The following CD2AP variants were observed in gnomAD, a reference collection of about 807,000 sequenced individuals.
CD2AP encodes CD2-associated protein.
CD2AP carries 46 observed loss-of-function variants against 85.1 expected under a neutral mutation model. The ratio of observed to expected loss-of-function variants is 0.54; its 90% CI spans 0.43 to 0.69. The LOEUF (loss-of-function observed/expected upper bound fraction) is 0.69. CD2AP is among the 30% of genes least tolerant of loss of function. The pLI is 0.00. For missense variants in CD2AP, 769 were observed against 729.5 expected, an observed-to-expected ratio of 1.05 and a Z score of -0.62; for synonymous variants, 255 against 252.9, an observed-to-expected ratio of 1.01 and a Z score of -0.08.
rs1387006346 is a variant in CD2AP at position 47,501,226 on chromosome 6, A to AAAAAAT, written c.5-2042_5-2037dup. Among the ~76,000 whole-genome samples the AAAAAAT allele has an allele frequency of 1.8e-4, 28 of 152,172 alleles. 1 individual carries two copies. The highest frequency in any genetic ancestry group is 3.4e-4 in the Non-Finnish European group (23 of 68,034). On this transcript the variant is annotated intron_variant, in intron 1 of 17. Coordinates refer to ENST00000359314, the MANE Select transcript of CD2AP (RefSeq NM_012120.3). The stretch of plus-strand genomic sequence containing the variant: ...ATATAGCCAGACCCCATCTCTATTT[A>AAAAAAT]AAAAATAAAAATAAAAAGAATTCCT...
intron 5 of CD2AP, among the ~76,000 whole-genome samples, chr6:47,570,990 G>A (rs1768133918): frequency 6.6e-6 from 1 of 151,338 alleles, no homozygotes; most frequent in Admixed American, 6.6e-5. Flanking sequence ...TCTAATAAAG[G>A]TTACAGTCAC....
chr6:47,532,405 ACACACACACACACAC>A (rs2114023870), intron 2 of CD2AP, among the ~76,000 whole-genome samples: 1 of 148,436 alleles, frequency 6.7e-6, no homozygotes, highest in African/African-American at 2.5e-5. Flanking sequence ...ACACACACAC[ACACACACACACACAC>A]AATACTTGCC....
At chr6:47,484,071 T>G (rs1295438483) in intron 1 of CD2AP, among the ~76,000 whole-genome samples, 1 of 151,582 alleles carries the variant, frequency 6.6e-6, no homozygotes, top group Non-Finnish European at 1.5e-5. Context: ...GCTTTTTAAA[T>G]TTTTTTTTGG....
intron 2 of CD2AP, among the ~76,000 whole-genome samples, chr6:47,504,034 C>T (rs1766065039): frequency 6.6e-6 from 1 of 152,338 alleles, no homozygotes; most frequent in South Asian, 2.1e-4. Context: ...TCTTCAACTA[C>T]TACCAAACAT....
At chr6:47,527,104 A>ACCCCC in intron 2 of CD2AP, among the ~76,000 whole-genome samples, 1 of 88,218 alleles carries the variant, frequency 1.1e-5, no homozygotes, top group African/African-American at 4.8e-5. Context: ...AAAATAAAAG[A>ACCCCC]CTCCCCCCCG....
At chr6:47,573,387 A>T (rs1364598257) in intron 5 of CD2AP, among the ~76,000 whole-genome samples, 1 of 151,428 alleles carries the variant, frequency 6.6e-6, no homozygotes, top group African/African-American at 2.4e-5. Context: ...CTTTGATTGG[A>T]TTGAATCATA....
chr6:47,552,509 A>ATG (rs1393881655), intron 4 of CD2AP, among the ~76,000 whole-genome samples: 1 of 152,202 alleles, frequency 6.6e-6, no homozygotes, highest in East Asian at 1.9e-4. Flanking sequence ...GTATTCCATG[A>ATG]TGTGTGTGTA....
At chr6:47,492,767 T>C (rs1488330465) in intron 1 of CD2AP, among the ~76,000 whole-genome samples, 2 of 152,212 alleles carry the variant, frequency 1.3e-5, no homozygotes, top group Non-Finnish European at 2.9e-5. Flanking sequence ...TTCTAGAGAT[T>C]TATTGATTTT....
chr6:47,479,416 C>T (rs1453106447), intron 1 of CD2AP, among the ~76,000 whole-genome samples: 1 of 152,206 alleles, frequency 6.6e-6, no homozygotes, highest in Non-Finnish European at 1.5e-5. Context: ...AGACACTCGC[C>T]TAGCTATCCT....
intron 5 of CD2AP, among the ~76,000 whole-genome samples, chr6:47,568,521 C>G (rs1358324207): frequency 6.6e-6 from 1 of 152,086 alleles, no homozygotes; most frequent in African/African-American, 2.4e-5. Flanking sequence ...GTGGGTGGAT[C>G]ACAAGGTCAG....
At chr6:47,620,121 A>G (rs1326821203) in intron 17 of CD2AP, among the ~76,000 whole-genome samples, 2 of 152,144 alleles carry the variant, frequency 1.3e-5, no homozygotes, top group Non-Finnish European at 2.9e-5. Context: ...GTTTTTGTTC[A>G]TGAAATCCTT....
rs554753810 is a variant in CD2AP, at chr6:47,606,328, T to C, written c.1530+51T>C. ...TACAGTATATTTAGCAAATGCAGAGTCCATTGGAAGATAGAGGACTTATAG... is the reference window on the plus strand; with the variant it reads ...TACAGTATATTTAGCAAATGCAGAGCCCATTGGAAGATAGAGGACTTATAG... On this transcript the variant is annotated intron_variant, in intron 14 of 17. Transcript: ENST00000359314. 7.6e-4 allele frequency: 809 copies of C among 1,058,166 alleles called. 14 individuals are homozygous for C. In the South Asian group the frequency reaches 9.3e-3, roughly 12 times the overall value. The allele number at this position is 1,058,166 out of a possible 1,614,324, so 65.5% of individuals were successfully genotyped here.
chr6:47,522,214 G>A (rs1214758297), intron 2 of CD2AP, among the ~76,000 whole-genome samples: 1 of 152,110 alleles, frequency 6.6e-6, no homozygotes, highest in African/African-American at 2.4e-5. Flanking sequence ...AAGCGCCAGA[G>A]CACAGAGAGT....
At chr6:47,549,160 T>C (rs930291334) in intron 4 of CD2AP, among the ~76,000 whole-genome samples, 3 of 152,070 alleles carry the variant, frequency 2.0e-5, no homozygotes, top group South Asian at 2.1e-4. Context: ...GGATGCCTGC[T>C]CTCACCACTC....
At position 47,564,818 on chromosome 6, in the gene CD2AP, G is replaced by A. The variant is rs575282952; in HGVS notation, c.542-9246G>A. 3.6e-4 allele frequency among the ~76,000 whole-genome samples: 54 copies of A among 151,476 alleles called. 1 individual carries two copies. In the South Asian group the frequency reaches 0.011, roughly 30 times the overall value. Reference sequence around the variant, plus strand: ...AGTCAGTAAAATAATTATGTTCCTCGTAGCTGTTAGAAAAATTATAGTAGA... The same window carrying A: ...AGTCAGTAAAATAATTATGTTCCTCATAGCTGTTAGAAAAATTATAGTAGA... On this transcript the variant is annotated intron_variant, in intron 5 of 17. Coordinates refer to ENST00000359314, the MANE Select transcript of CD2AP (RefSeq NM_012120.3).
rs979618736 is a variant in CD2AP, at chr6:47,510,997, C to T, written c.165+7557C>T. On this transcript the variant is annotated intron_variant, in intron 2 of 17. Coordinates refer to ENST00000359314, the MANE Select transcript of CD2AP (RefSeq NM_012120.3). Reference sequence around the variant, plus strand: ...CTGAGGTGGGAGAATTGCTTGAACCCGGGAGGTAGAGGTTGCAATGAGCTG... The same window carrying T: ...CTGAGGTGGGAGAATTGCTTGAACCTGGGAGGTAGAGGTTGCAATGAGCTG... Among the ~76,000 whole-genome samples the T allele has an allele frequency of 7.2e-5, 10 of 138,404 alleles. No homozygotes were observed. The East Asian group carries it at 1.6e-3, about 22-fold the overall frequency. 90.8% of individuals were successfully genotyped at this position (138,404 alleles called of 152,430 possible).
chr6:47,513,892 T>TG lies in CD2AP; in HGVS notation c.165+10462dup, dbSNP rs201405459. Among the ~76,000 whole-genome samples, 1,183 of 141,766 alleles carry TG rather than the reference T, an allele frequency of 8.3e-3. 11 individuals are homozygous for TG. Among genetic ancestry groups the TG allele is most frequent in the African/African-American group, 0.019 (722 of 38,322 alleles). 93.0% of individuals were successfully genotyped at this position (141,766 alleles called of 152,430 possible). On this transcript the variant is annotated intron_variant, in intron 2 of 17. Coordinates refer to ENST00000359314, the MANE Select transcript of CD2AP (RefSeq NM_012120.3). Reference sequence around the variant, plus strand: ...TCAGACTTTAAAAAAAATTTTTTTTTGGGGGGGGGGCTAGCCTTACAGATG... The same window carrying TG: ...TCAGACTTTAAAAAAAATTTTTTTTTGGGGGGGGGGGCTAGCCTTACAGATG...
At chr6:47,520,290 C>T (rs555424517) in intron 2 of CD2AP, among the ~76,000 whole-genome samples, 3 of 152,180 alleles carry the variant, frequency 2.0e-5, no homozygotes, top group South Asian at 4.2e-4. Flanking sequence ...TTATAACAGT[C>T]AATATTGGTT....
chr6:47,535,206 G>A (rs1434110433), intron 3 of CD2AP, among the ~76,000 whole-genome samples: 1 of 152,106 alleles, frequency 6.6e-6, no homozygotes, highest in African/African-American at 2.4e-5. Flanking sequence ...TGCTGTTCAA[G>A]GTCATTGCCA....
Sources: gnomAD v4.1 joint callset for allele counts (sites outside exome capture counted in the v4.1 genomes callset) on GRCh38, gnomAD v4.1.1 for gene constraint, MANE v1.5 for transcripts, NCBI Gene and HGNC (gene_info 2026-07-23, HGNC 2026-07-21) for gene names.